Variants in PLGLB2 observed in about 807,000 individuals in gnomAD.
PLGLB2 encodes plasminogen-like protein B.
At chr2:87,751,514 A>G (rs1374218521) in intron 1 of PLGLB2, 2 of 151,384 alleles carry the variant, frequency 1.3e-5, no homozygotes, top group Non-Finnish European at 3.0e-5. Context: ...ATGTGTCTCA[A>G]GGAGGGACCA....
At chr2:87,756,142 C>T (rs1189152398) in intron 3 of PLGLB2, 2 of 37,412 alleles carry the variant, frequency 5.3e-5, no homozygotes, top group African/African-American at 1.8e-4. Context: ...TGGGTGGGCA[C>T]ACTAGCAAAC....
intron 1 of PLGLB2, among the ~76,000 whole-genome samples, chr2:87,750,561 T>G (rs981671502): frequency 5.3e-5 from 8 of 151,652 alleles, no homozygotes; most frequent in Non-Finnish European, 8.8e-5. Context: ...CAATAATCCA[T>G]TTTTCCAGCC....
At chr2:87,756,252 T>TGAG (rs1170851843) in intron 3 of PLGLB2, 2 of 60,708 alleles carry the variant, frequency 3.3e-5, no homozygotes, top group Non-Finnish European at 6.8e-5. Flanking sequence ...GGAAGCTGGT[T>TGAG]GAGAACTTTT....
At chr2:87,754,756 CAAAA>C (rs1208538061) in intron 3 of PLGLB2, among the ~76,000 whole-genome samples, 1 of 148,404 alleles carries the variant, frequency 6.7e-6, no homozygotes, top group Admixed American at 6.7e-5. Context: ...AAAAAAAAAA[CAAAA>C]AACCCTGATT....
chr2:87,749,895 A>ACAC (rs1684619255), intron 1 of PLGLB2, among the ~76,000 whole-genome samples: 2 of 126,214 alleles, frequency 1.6e-5, no homozygotes, highest in South Asian at 5.8e-4. Context: ...ACACATTCAC[A>ACAC]CACCACAGTG....
intron 3 of PLGLB2, among the ~76,000 whole-genome samples, chr2:87,754,884 TTA>T (rs1261003675): frequency 7.0e-6 from 1 of 143,274 alleles, no homozygotes; most frequent in Non-Finnish European, 1.5e-5. Flanking sequence ...GTTTGAAGGC[TTA>T]GTTTGCTTGT....
Position 87,758,913 on chromosome 2 carries a change from T to C in PLGLB2, c.*2095T>C. ...TTTCTGCCCTTCACCTGTAAAATAA[T>C]TTGTTGTAAAGCCCCTTCCCACAGG... is the stretch of plus-strand genomic sequence containing the variant. On this transcript the variant is annotated 3_prime_UTR_variant, in exon 4 of 4. Coordinates refer to ENST00000359481, the MANE Select transcript of PLGLB2 (RefSeq NM_002665.4). 1.7e-6 allele frequency: 1 copy of C among 577,528 alleles called. No individual in the cohort carries two copies. The highest frequency in any genetic ancestry group is 3.2e-5 in the East Asian group (1 of 30,796). 35.8% of individuals were successfully genotyped at this position (577,528 alleles called of 1,614,324 possible).
chr2:87,750,468 A>G (rs1346131473), intron 1 of PLGLB2, among the ~76,000 whole-genome samples: 3 of 151,950 alleles, frequency 2.0e-5, no homozygotes, highest in Non-Finnish European at 4.4e-5. Context: ...GGCCTAAAGC[A>G]TCTATTTCTT....
intron 1 of PLGLB2, among the ~76,000 whole-genome samples, chr2:87,750,437 C>A (rs1375396422): frequency 1.3e-5 from 2 of 151,726 alleles, no homozygotes; most frequent in African/African-American, 4.8e-5. Context: ...GCAGAAAGTG[C>A]GGGGTAAAGA....
rs1363940855 is a variant in PLGLB2, at chr2:87,759,009, T to C, written c.*2191T>C. On this transcript the variant is annotated 3_prime_UTR_variant, in exon 4 of 4. Transcript: ENST00000359481. ...CAAAACTTTGCTCAGATCCCAGAAT[T>C]AACCTGATTTTTTTTTTTTTTTCTG... Among the ~76,000 whole-genome samples the C allele has an allele frequency of 6.9e-6, 1 of 145,026 alleles. No individual in the cohort carries two copies. The highest frequency in any genetic ancestry group is 2.5e-5 in the African/African-American group (1 of 40,440).
chr2:87,750,194 A>T (rs1387880836), intron 1 of PLGLB2, among the ~76,000 whole-genome samples: 1 of 152,282 alleles, frequency 6.6e-6, no homozygotes, highest in Non-Finnish European at 1.5e-5. Flanking sequence ...TGCGCTATGA[A>T]GTATAATAAC....
At chr2:87,750,181 C>T (rs1295870588) in intron 1 of PLGLB2, among the ~76,000 whole-genome samples, 3 of 152,266 alleles carry the variant, frequency 2.0e-5, no homozygotes, top group Admixed American at 6.5e-5. Context: ...ATCTCAGCAG[C>T]GATGCGCTAT....
chr2:87,750,682 G>T (rs1247393272), intron 1 of PLGLB2, among the ~76,000 whole-genome samples: 4 of 149,652 alleles, frequency 2.7e-5, no homozygotes, highest in African/African-American at 7.3e-5. Context: ...CCTGTGCTCT[G>T]TGTACCCTCA....
chr2:87,750,177 G>T (rs1183051334), intron 1 of PLGLB2, among the ~76,000 whole-genome samples: 4 of 152,284 alleles, frequency 2.6e-5, no homozygotes, highest in Non-Finnish European at 4.4e-5. Flanking sequence ...GGGGATCTCA[G>T]CAGCGATGCG....
intron 3 of PLGLB2, chr2:87,756,354 G>C (rs1684719773): frequency 7.5e-6 from 1 of 133,430 alleles, no homozygotes; most frequent in Admixed American, 7.8e-5. Flanking sequence ...AAGTGGGTTG[G>C]ATCTCTTTCA....
chr2:87,750,155 A>G (rs1461786418), intron 1 of PLGLB2, among the ~76,000 whole-genome samples: 16 of 152,286 alleles, frequency 1.1e-4, no homozygotes, highest in Non-Finnish European at 1.6e-4. Context: ...TCCTAGGGAC[A>G]GGAGCTGGGG....
chr2:87,751,391 C>A (rs1242745865), intron 1 of PLGLB2: 1 of 148,480 alleles, frequency 6.7e-6, no homozygotes, highest in African/African-American at 2.4e-5. Context: ...AAATGGCCTT[C>A]TTTGTTGGGG....
At chr2:87,755,007 C>T (rs1439571569) in intron 3 of PLGLB2, among the ~76,000 whole-genome samples, 1 of 147,060 alleles carries the variant, frequency 6.8e-6, no homozygotes, top group African/African-American at 2.6e-5. Flanking sequence ...TTTCCAGGAA[C>T]AGTCAGTGTT....
chr2:87,750,119 A>G (rs568711254), intron 1 of PLGLB2, among the ~76,000 whole-genome samples: 69 of 152,390 alleles, frequency 4.5e-4, no homozygotes, highest in South Asian at 4.1e-3. Flanking sequence ...TAAAAAGAAA[A>G]AAGTTTGATT....
Sources: gnomAD v4.1 joint callset for allele counts (sites outside exome capture counted in the v4.1 genomes callset) on GRCh38, gnomAD v4.1.1 for gene constraint, MANE v1.5 for transcripts, NCBI Gene and HGNC (gene_info 2026-07-23, HGNC 2026-07-21) for gene names.